Variants in SLC35F4 observed in about 807,000 individuals in gnomAD.
SLC35F4 encodes the protein chromosome 14 open reading frame 36.
In SLC35F4, 24 loss-of-function variants were observed where a neutral mutation model predicts 44.2. That is an observed-to-expected ratio of 0.54 (90% CI 0.39 to 0.76). SLC35F4 has a LOEUF of 0.76. SLC35F4 is among the 30% of genes least tolerant of loss of function. SLC35F4 has a pLI of 0.00. For missense variants in SLC35F4, 562 were observed against 586.1 expected (o/e 0.96, Z 0.42); for synonymous variants, 238 against 223.6 (o/e 1.06, Z -0.57).
At chr14:57,798,222 A>G (rs553851591) in intron 1 of SLC35F4, among the ~76,000 whole-genome samples, 2 of 152,002 alleles carry the variant, frequency 1.3e-5, no homozygotes, top group Admixed American at 1.3e-4. Flanking sequence ...TACACTCTAC[A>G]TGGAAATAAC....
intron 1 of SLC35F4, among the ~76,000 whole-genome samples, chr14:57,657,751 C>T (rs1478515746): frequency 6.6e-6 from 1 of 152,118 alleles, no homozygotes; most frequent in Non-Finnish European, 1.5e-5. Flanking sequence ...GTGGATGACT[C>T]ATTATTCTGG....
intron 1 of SLC35F4, among the ~76,000 whole-genome samples, chr14:57,960,297 T>TCAC (rs1890315176): frequency 6.6e-6 from 1 of 152,142 alleles, no homozygotes; most frequent in Admixed American, 6.5e-5. Context: ...GAAGGACCAG[T>TCAC]GGCCTGGGAG....
chr14:57,571,587 C>T (rs2068507727), intron 5 of SLC35F4, among the ~76,000 whole-genome samples: 1 of 152,138 alleles, frequency 6.6e-6, no homozygotes, highest in Non-Finnish European at 1.5e-5. Context: ...GTTGGCTAGT[C>T]CAGAGTTTAA....
chr14:57,641,761 GAA>G (rs1223015759), intron 1 of SLC35F4, among the ~76,000 whole-genome samples: 1 of 151,958 alleles, frequency 6.6e-6, no homozygotes, highest in Non-Finnish European at 1.5e-5. Context: ...CTATTACCTA[GAA>G]TACTTTGTAT....
At chr14:57,589,567 T>C in intron 2 of SLC35F4, 54 bp from the exon 3 acceptor site, 2 of 1,485,572 alleles carry the variant, frequency 1.3e-6, no homozygotes, top group Non-Finnish European at 1.8e-6. Context: ...GAAACAGCAA[T>C]CAAATATATC....
intron 1 of SLC35F4, among the ~76,000 whole-genome samples, chr14:57,856,900 A>G (rs915155896): frequency 6.6e-6 from 1 of 152,076 alleles, no homozygotes; most frequent in Non-Finnish European, 1.5e-5. Context: ...AATACTAACA[A>G]CTTCAAAAGA....
At chr14:57,711,224 C>T (rs573686237) in intron 1 of SLC35F4, among the ~76,000 whole-genome samples, 1 of 152,226 alleles carries the variant, frequency 6.6e-6, no homozygotes, top group South Asian at 2.1e-4. Flanking sequence ...GCTTGCACTT[C>T]TCCCTGCTGC....
chr14:57,665,992 G>C (rs958605442), intron 1 of SLC35F4, among the ~76,000 whole-genome samples: 5 of 152,148 alleles, frequency 3.3e-5, no homozygotes, highest in African/African-American at 1.2e-4. Flanking sequence ...GGTGGGAGGA[G>C]GGAGAGGATC....
intron 1 of SLC35F4, among the ~76,000 whole-genome samples, chr14:57,691,081 GATTT>G (rs1042533732): frequency 9.2e-5 from 14 of 152,154 alleles, no homozygotes; most frequent in African/African-American, 3.4e-4. Flanking sequence ...AATGACATCT[GATTT>G]ATTAATGTAA....
At chr14:57,566,662 CT>C in intron 6 of SLC35F4, 98 bp from the exon 7 acceptor site, 1 of 1,182,646 alleles carries the variant, frequency 8.5e-7, no homozygotes, top group Non-Finnish European at 1.2e-6. Context: ...CTACATGTGC[CT>C]TTTAAACTGT....
At chr14:57,858,949 A>T (rs534132288) in intron 1 of SLC35F4, among the ~76,000 whole-genome samples, 3,780 of 150,990 alleles carry the variant, frequency 0.025, 153 homozygotes, top group East Asian at 0.082. Flanking sequence ...AAAAAAAAAA[A>T]AATTAATTAA....
intron 1 of SLC35F4, among the ~76,000 whole-genome samples, chr14:57,858,933 TAA>T (rs112008222): frequency 2.2e-4 from 26 of 118,376 alleles, no homozygotes; most frequent in Admixed American, 2.5e-4. Context: ...ACCTGATCTC[TAA>T]AAAAAAAAAA....
intron 1 of SLC35F4, among the ~76,000 whole-genome samples, chr14:57,761,458 A>G (rs2077122878): frequency 6.6e-6 from 1 of 152,232 alleles, no homozygotes; most frequent in Admixed American, 6.5e-5. Flanking sequence ...AAAAGTCTAC[A>G]TAATGAAGAC....
At chr14:57,630,114 G>T (rs1158832808) in intron 1 of SLC35F4, 1 of 547,278 alleles carries the variant, frequency 1.8e-6, no homozygotes, top group African/African-American at 1.9e-5. Context: ...ACATAATTTG[G>T]ACAGAAAGTG....
rs547586807 is a variant in SLC35F4, at chr14:57,622,261, G to A, written c.104-28137C>T. Among the ~76,000 whole-genome samples the A allele has an allele frequency of 3.0e-5, 4 of 133,054 alleles. No homozygotes were observed. The South Asian group carries it at 7.6e-4, about 25-fold the overall frequency. The allele number at this position is 133,054 out of a possible 152,430, so 87.3% of individuals were successfully genotyped here. ...CAACCACTGTGGAAGTCAGTGTGGC[G>A]ATTCCTCAGGGATCTAGAACTAGAA... On this transcript the variant is annotated intron_variant, in intron 1 of 7. Coordinates refer to ENST00000556826, the MANE Select transcript of SLC35F4 (RefSeq NM_001306087.2).
intron 1 of SLC35F4, among the ~76,000 whole-genome samples, chr14:57,844,584 C>G (rs1167358014): frequency 2.0e-5 from 3 of 152,184 alleles, no homozygotes; most frequent in Non-Finnish European, 4.4e-5. Flanking sequence ...ACAGGCATTT[C>G]TACTTGGCCA....
At chr14:57,964,530 T>C (rs1037322800) in intron 1 of SLC35F4, among the ~76,000 whole-genome samples, 3 of 152,220 alleles carry the variant, frequency 2.0e-5, no homozygotes, top group Admixed American at 2.0e-4. Context: ...TCAACGGACA[T>C]TTATCTTGGC....
intron 1 of SLC35F4, among the ~76,000 whole-genome samples, chr14:57,839,823 G>T (rs1009098942): frequency 2.6e-5 from 4 of 152,090 alleles, no homozygotes; most frequent in Non-Finnish European, 5.9e-5. Context: ...TGGAGCCCAG[G>T]CATCTGTATT....
At chr14:57,869,069 G>A (rs897467384), upstream of SLC35F4, among the ~76,000 whole-genome samples, 3 of 152,072 alleles carry the variant, frequency 2.0e-5, no homozygotes, top group Admixed American at 2.0e-4. Flanking sequence ...AATGCATCAA[G>A]CAGAGGGTAT....
Sources: allele counts gnomAD v4.1 joint callset (sites outside exome capture counted in the v4.1 genomes callset), GRCh38; gene constraint gnomAD v4.1.1; transcripts MANE v1.5; gene names NCBI Gene and HGNC (gene_info 2026-07-23, HGNC 2026-07-21).